ZBTB7C: variants seen among roughly 807,000 people sequenced by gnomAD.
ZBTB7C encodes the protein zinc finger and BTB domain containing 7C.
Under a neutral mutation model 25.7 loss-of-function variants are expected in ZBTB7C, and 8 were observed. The ratio of observed to expected loss-of-function variants is 0.31; its 90% CI spans 0.18 to 0.56. ZBTB7C has a LOEUF of 0.56. ZBTB7C is among the 20% of genes least tolerant of loss of function. The pLI, the probability that ZBTB7C is intolerant of heterozygous loss-of-function variation, is 0.91. For synonymous variants in ZBTB7C, 394 were observed against 369.0 expected (o/e 1.07, Z -0.78); for missense variants, 824 against 855.2 (o/e 0.96, Z 0.46).
At chr18:48,060,971 GA>G (rs1230694986) in intron 3 of ZBTB7C, among the ~76,000 whole-genome samples, 1 of 152,120 alleles carries the variant, frequency 6.6e-6, no homozygotes, top group East Asian at 1.9e-4. Flanking sequence ...CCAGCTGCTT[GA>G]AAAGTGGTGA....
At chr18:48,270,200 A>G (rs1275098448) in intron 2 of ZBTB7C, among the ~76,000 whole-genome samples, 1 of 151,932 alleles carries the variant, frequency 6.6e-6, no homozygotes, top group African/African-American at 2.4e-5. Flanking sequence ...GTATACATCA[A>G]TGAAAGAGGA....
chr18:48,367,160 T>C lies in ZBTB7C; in HGVS notation c.-303-28762A>G, dbSNP rs533025475. Among the ~76,000 whole-genome samples, 272 of 130,500 alleles carry C rather than the reference T, an allele frequency of 2.1e-3. 5 individuals carry two copies. The highest frequency in any genetic ancestry group is 7.0e-3 in the African/African-American group (243 of 34,592). The allele number at this position is 130,500 out of a possible 152,430, so 85.6% of individuals were successfully genotyped here. A position where few individuals can be genotyped will look rare whatever the true frequency, so the allele number is the denominator to read the frequency against. On this transcript the variant is annotated intron_variant, in intron 1 of 4. Coordinates refer to ENST00000590800, the MANE Select transcript of ZBTB7C (RefSeq NM_001318841.2). ...ATGAAGTAGACATGCTTTCCCCTGT[T>C]CTTCTCCCCAAGTTTTATATATATA...
At chr18:48,217,394 G>A (rs369584292) in intron 2 of ZBTB7C, among the ~76,000 whole-genome samples, 43 of 152,168 alleles carry the variant, frequency 2.8e-4, no homozygotes, top group Middle Eastern at 3.4e-3. Flanking sequence ...CTTAAAACCC[G>A]CGGAGGCCTC....
chr18:48,033,870 G>C (rs1168284092), intron 4 of ZBTB7C, among the ~76,000 whole-genome samples: 1 of 152,184 alleles, frequency 6.6e-6, no homozygotes, highest in Non-Finnish European at 1.5e-5. Flanking sequence ...CCAAGAACTA[G>C]ATCAGTTCCC....
intron 1 of ZBTB7C, among the ~76,000 whole-genome samples, chr18:48,371,534 T>C (rs1242200026): frequency 3.3e-5 from 5 of 152,232 alleles, no homozygotes. Context: ...TTGGGACATT[T>C]GTCCCTTAGC....
intron 2 of ZBTB7C, among the ~76,000 whole-genome samples, chr18:48,236,836 G>A (rs1280811427): frequency 6.6e-6 from 1 of 152,190 alleles, no homozygotes; most frequent in Non-Finnish European, 1.5e-5. Flanking sequence ...GGTCCACACA[G>A]AAAAACAAAG....
At chr18:48,229,332 T>C (rs1258603704) in intron 2 of ZBTB7C, among the ~76,000 whole-genome samples, 1 of 152,184 alleles carries the variant, frequency 6.6e-6, no homozygotes, top group Non-Finnish European at 1.5e-5. Flanking sequence ...AAGATTTACC[T>C]TGATGGATAG....
At chr18:48,308,339 G>A (rs554651083) in intron 2 of ZBTB7C, among the ~76,000 whole-genome samples, 2 of 152,280 alleles carry the variant, frequency 1.3e-5, no homozygotes, top group African/African-American at 4.8e-5. Flanking sequence ...CTCAAAGGGC[G>A]ATTCTACTGG....
chr18:48,365,738 T>C (rs1031143672), intron 1 of ZBTB7C, among the ~76,000 whole-genome samples: 9 of 152,066 alleles, frequency 5.9e-5, no homozygotes, highest in Non-Finnish European at 1.2e-4. Flanking sequence ...AATGTATTAG[T>C]TCAAGCAGCT....
intron 3 of ZBTB7C, among the ~76,000 whole-genome samples, chr18:48,108,960 T>C (rs4939731): frequency 0.54 from 82,396 of 151,540 alleles, 23,744 homozygotes; most frequent in African/African-American, 0.75. Context: ...GTGGAGCACT[T>C]GGGGGTAAGG....
chr18:48,041,064 T>C lies in ZBTB7C; in HGVS notation c.44A>G (p.Asn15Ser). Reference sequence around the variant, plus strand: ...GCTGCACAGGACCTCACTGCTGTGGTTGGGGAAGGGAATGCCAATGAGCTC... The same window carrying C: ...GCTGCACAGGACCTCACTGCTGTGGCTGGGGAAGGGAATGCCAATGAGCTC... ...IDELIGIPFP[N>S]HSSEVLCSLN... The change falls in exon 4 of 5, where the codon AAC (asparagine) becomes AGC (serine). Residue 15 changes from asparagine to serine, a missense_variant. By Grantham distance (46) the Asn-to-Ser change is conservative. Coordinates refer to ENST00000590800, the MANE Select transcript of ZBTB7C (RefSeq NM_001318841.2). 6.2e-7 allele frequency: 1 copy of C among 1,609,604 alleles called. No individual in the cohort carries two copies. The highest frequency in any genetic ancestry group is 1.1e-5 in the South Asian group (1 of 90,950).
intron 2 of ZBTB7C, among the ~76,000 whole-genome samples, chr18:48,251,912 T>C (rs1162609073): frequency 1.3e-5 from 2 of 152,214 alleles, no homozygotes; most frequent in African/African-American, 4.8e-5. Flanking sequence ...CTCTTTCTTT[T>C]GCCTATTAAA....
chr18:48,065,153 C>A (rs968679195), intron 3 of ZBTB7C, among the ~76,000 whole-genome samples: 1 of 151,858 alleles, frequency 6.6e-6, no homozygotes, highest in Non-Finnish European at 1.5e-5. Context: ...CGCATGCGCA[C>A]ACAGCGCTAG....
rs1568167344 is a variant in ZBTB7C, at chr18:48,040,517, CTCTGTGAGATGG to C, written c.579_590del (p.Asp193_Thr196del). The C allele has an allele frequency of 6.2e-7, 1 of 1,613,876 alleles. No individual in the cohort carries two copies. Among genetic ancestry groups the C allele is most frequent in the South Asian group, 1.1e-5 (1 of 91,050 alleles). On this transcript the variant is annotated inframe_deletion, in exon 4 of 5. Coordinates refer to ENST00000590800, the MANE Select transcript of ZBTB7C (RefSeq NM_001318841.2). The stretch of plus-strand genomic sequence containing the variant: ...CCCTGGGGGTGTCTGAATAGGCCTT[CTCTGTGAGATGG>C]TCTGTCTTGGAAGGGCTTTGGTGGC...
At position 48,094,378 on chromosome 18, in the gene ZBTB7C, C is replaced by T. The variant is rs568064015; in HGVS notation, c.-16-53255G>A. ...GACGAGCACCTAAGGGACTTTGCTT[C>T]TGGTTACCCCCAGCTATGTGTCTTA... On this transcript the variant is annotated intron_variant, in intron 3 of 4. Coordinates refer to ENST00000590800, the MANE Select transcript of ZBTB7C (RefSeq NM_001318841.2). 1.3e-4 allele frequency among the ~76,000 whole-genome samples: 20 copies of T among 152,332 alleles called. No individual in the cohort carries two copies. The South Asian group carries it at 4.1e-3, about 32-fold the overall frequency.
intron 2 of ZBTB7C, among the ~76,000 whole-genome samples, chr18:48,238,198 G>C (rs36064717): frequency 0.021 from 3,224 of 152,218 alleles, 58 homozygotes; most frequent in Non-Finnish European, 0.033. Flanking sequence ...AGTTACTTGG[G>C]TGTTTGCATT....
chr18:48,313,915 TC>T (rs2045882936), intron 2 of ZBTB7C, among the ~76,000 whole-genome samples: 1 of 152,148 alleles, frequency 6.6e-6, no homozygotes, highest in East Asian at 1.9e-4. Flanking sequence ...ATGAGTGAGT[TC>T]TCACTCAGTT....
chr18:48,100,299 T>C lies in ZBTB7C; in HGVS notation c.-16-59176A>G, dbSNP rs547193770. Among the ~76,000 whole-genome samples, 8 of 152,340 alleles carry C rather than the reference T, an allele frequency of 5.3e-5. No individual in the cohort carries two copies. In the South Asian group the frequency reaches 1.7e-3, roughly 32 times the overall value. On this transcript the variant is annotated intron_variant, in intron 3 of 4. Transcript: ENST00000590800. ...TGGAGTAACGATTCACAGACTTGCC[T>C]GTGACAGGCAAAAGTTAAGCCCCTC...
Position 48,230,268 on chromosome 18 carries a change from G to T in ZBTB7C, c.-78-44273C>A, listed in dbSNP as rs543201431. ...CAGCAAGGTTTATCCCCTGTTCAGG[G>T]ATTCTTGCTGACTAGTTTCAGCAGT... On this transcript the variant is annotated intron_variant, in intron 2 of 4. Coordinates refer to ENST00000590800, the MANE Select transcript of ZBTB7C (RefSeq NM_001318841.2). Among the ~76,000 whole-genome samples, 3 of 152,292 alleles carry T rather than the reference G, an allele frequency of 2.0e-5. No homozygotes were observed. In the East Asian group the frequency reaches 5.8e-4, roughly 29 times the overall value.
Sources: gnomAD v4.1 joint callset for allele counts (sites outside exome capture counted in the v4.1 genomes callset) on GRCh38, gnomAD v4.1.1 for gene constraint, MANE v1.5 for transcripts, NCBI Gene and HGNC (gene_info 2026-07-23, HGNC 2026-07-21) for gene names.